The following CACNA2D3 variants were observed in gnomAD, a reference collection of about 807,000 sequenced individuals.
CACNA2D3 encodes voltage-dependent calcium channel subunit alpha-2/delta-3.
A neutral mutation model predicts 160.6 loss-of-function variants in CACNA2D3; 60 were observed. That is an observed-to-expected ratio of 0.37 (90% CI 0.30 to 0.46). CACNA2D3 has a LOEUF of 0.46. Among genes scored for constraint, CACNA2D3 ranks in the 20% least tolerant of loss-of-function variants. CACNA2D3 has a pLI of 1.00. For synonymous variants in CACNA2D3, 558 were observed against 492.9 expected, an observed-to-expected ratio of 1.13 and a Z score of -1.75; for missense variants, 1,205 against 1,365.0, an observed-to-expected ratio of 0.88 and a Z score of 1.85.
chr3:54,650,485 T>A (rs888457479), intron 11 of CACNA2D3, among the ~76,000 whole-genome samples: 2 of 152,170 alleles, frequency 1.3e-5, no homozygotes, highest in Admixed American at 6.5e-5. Context: ...TGCCTCAGCC[T>A]CCCCAGTAGC....
chr3:54,307,135 G>T (rs1703620968), intron 2 of CACNA2D3, among the ~76,000 whole-genome samples: 1 of 152,114 alleles, frequency 6.6e-6, no homozygotes, highest in Non-Finnish European at 1.5e-5. Context: ...GTCTGAAATG[G>T]ATTATTTCTG....
At chr3:54,197,149 C>T (rs1190320003) in intron 2 of CACNA2D3, among the ~76,000 whole-genome samples, 1 of 152,130 alleles carries the variant, frequency 6.6e-6, no homozygotes, top group Non-Finnish European at 1.5e-5. Flanking sequence ...TAATGCAATG[C>T]TCCTGCCTCA....
chr3:54,949,565 T>C (rs761772716), intron 27 of CACNA2D3, among the ~76,000 whole-genome samples: 41 of 152,208 alleles, frequency 2.7e-4, no homozygotes, highest in Non-Finnish European at 4.7e-4. Context: ...AATCTACCCA[T>C]TGATGCCATA....
At chr3:54,296,953 G>A (rs1703355635) in intron 2 of CACNA2D3, among the ~76,000 whole-genome samples, 1 of 152,098 alleles carries the variant, frequency 6.6e-6, no homozygotes, top group Non-Finnish European at 1.5e-5. Flanking sequence ...GGAGGTCAGG[G>A]GTACCTTTCT....
chr3:54,947,431 G>A (rs1701643535), intron 27 of CACNA2D3, among the ~76,000 whole-genome samples: 1 of 152,180 alleles, frequency 6.6e-6, no homozygotes, highest in African/African-American at 2.4e-5. Flanking sequence ...GATTCCAGGT[G>A]ATCTCAGCTG....
At chr3:54,956,969 T>G (rs1701913745) in intron 27 of CACNA2D3, among the ~76,000 whole-genome samples, 1 of 152,122 alleles carries the variant, frequency 6.6e-6, no homozygotes, top group African/African-American at 2.4e-5. Context: ...GGCCCATAAC[T>G]TTCTTCTATG....
At chr3:54,385,162 G>C (rs1417738475) in intron 3 of CACNA2D3, among the ~76,000 whole-genome samples, 1 of 152,218 alleles carries the variant, frequency 6.6e-6, no homozygotes, top group African/African-American at 2.4e-5. Flanking sequence ...AGAATTACCT[G>C]CAGGGCTTGT....
intron 11 of CACNA2D3, among the ~76,000 whole-genome samples, chr3:54,661,608 G>GC (rs1251912916): frequency 2.0e-5 from 3 of 152,156 alleles, no homozygotes; most frequent in Non-Finnish European, 4.4e-5. Flanking sequence ...GTCATCTTAA[G>GC]CTAGGGATTG....
At chr3:54,770,244 A>C (rs1484783709) in intron 13 of CACNA2D3, among the ~76,000 whole-genome samples, 1 of 152,216 alleles carries the variant, frequency 6.6e-6, no homozygotes, top group African/African-American at 2.4e-5. Context: ...TACATTTACA[A>C]AATATAGTAA....
intron 11 of CACNA2D3, among the ~76,000 whole-genome samples, chr3:54,683,449 T>TTG (rs1346135499): frequency 6.6e-6 from 1 of 152,236 alleles, no homozygotes; most frequent in Non-Finnish European, 1.5e-5. Context: ...GCACCAGCAT[T>TTG]TGATTCCAGG....
Position 54,924,845 on chromosome 3 carries a change from C to T in CACNA2D3, c.2449+24977C>T, listed in dbSNP as rs772958375. 5 of 1,613,932 alleles carry T rather than the reference C, an allele frequency of 3.1e-6. No homozygotes were observed. The Admixed American group carries it at 6.7e-5, about 22-fold the overall frequency. On this transcript the variant is annotated intron_variant, in intron 27 of 37. Transcript: ENST00000474759. ...TTATGTTGTTTGATGACAAATCAAG[C>T]TCCCTCAGCTGAGGGAGGGAATGGA...
At chr3:55,020,292 GT>G (rs1002443305) in intron 35 of CACNA2D3, among the ~76,000 whole-genome samples, 1 of 149,240 alleles carries the variant, frequency 6.7e-6, no homozygotes, top group African/African-American at 2.5e-5. Flanking sequence ...TTCTGATAGG[GT>G]TTTTATATGT....
At chr3:54,975,534 A>C (rs530227403) in intron 29 of CACNA2D3, among the ~76,000 whole-genome samples, 1,648 of 145,266 alleles carry the variant, frequency 0.011, 39 homozygotes, top group Non-Finnish European at 0.017. Flanking sequence ...AAAAAAAAAA[A>C]AAAAAAAAAA....
rs183862957 is a variant in CACNA2D3, at chr3:54,618,767, C to T, written c.964-9020C>T. Among the ~76,000 whole-genome samples, 376 of 152,226 alleles carry T rather than the reference C, an allele frequency of 2.5e-3. 6 individuals carry two copies. The highest frequency in any genetic ancestry group is 7.2e-4 in the Non-Finnish European group (49 of 68,028). On this transcript the variant is annotated intron_variant, in intron 9 of 37. Transcript: ENST00000474759. ...GTGCAAAGAACTGTAGGTGTGACTG[C>T]GAGGTGATGGTTTGATGCAGACGAG...
At chr3:54,623,961 G>T (rs1181213733) in intron 9 of CACNA2D3, among the ~76,000 whole-genome samples, 1 of 152,136 alleles carries the variant, frequency 6.6e-6, no homozygotes, top group African/African-American at 2.4e-5. Context: ...TGGGCAGAGG[G>T]CTAAATGAAG....
At chr3:54,909,160 AG>A (rs1237987294) in intron 27 of CACNA2D3, among the ~76,000 whole-genome samples, 1 of 152,176 alleles carries the variant, frequency 6.6e-6, no homozygotes, top group Non-Finnish European at 1.5e-5. Context: ...AAAGATCCTA[AG>A]CTTTCTAAAA....
intron 2 of CACNA2D3, among the ~76,000 whole-genome samples, chr3:54,200,842 A>G (rs1233675369): frequency 6.6e-6 from 1 of 152,196 alleles, no homozygotes; most frequent in African/African-American, 2.4e-5. Context: ...AACATTTTAG[A>G]CAAGTGCTTT....
rs146093178 is a variant in CACNA2D3, at chr3:54,494,814, A to C, written c.382-8678A>C. Among the ~76,000 whole-genome samples, 545 of 152,196 alleles carry C rather than the reference A, an allele frequency of 3.6e-3. 6 individuals carry two copies. The highest frequency in any genetic ancestry group is 0.012 in the African/African-American group (514 of 41,532). Reference sequence around the variant, plus strand: ...AGAAGGGGAAGCAGGCCTGTCTTACATGGCGGCAGGTGAGAGAGAGGGAGA... The same window carrying C: ...AGAAGGGGAAGCAGGCCTGTCTTACCTGGCGGCAGGTGAGAGAGAGGGAGA... On this transcript the variant is annotated intron_variant, in intron 4 of 37. Coordinates refer to ENST00000474759, the MANE Select transcript of CACNA2D3 (RefSeq NM_018398.3).
chr3:54,466,210 A>G (rs71301887), intron 4 of CACNA2D3, among the ~76,000 whole-genome samples: 13,326 of 152,296 alleles, frequency 0.088, 802 homozygotes, highest in Middle Eastern at 0.14. Flanking sequence ...TAATCAAGGG[A>G]TAGGAATCTT....
Sources: gnomAD v4.1 joint callset for allele counts (sites outside exome capture counted in the v4.1 genomes callset) on GRCh38, gnomAD v4.1.1 for gene constraint, MANE v1.5 for transcripts, NCBI Gene and HGNC (gene_info 2026-07-23, HGNC 2026-07-21) for gene names.